The following ESRRG variants were observed in gnomAD, a reference collection of about 807,000 sequenced individuals.
The protein encoded by ESRRG is estrogen-related receptor gamma.
A neutral mutation model predicts 44.0 loss-of-function variants in ESRRG; 13 were observed. That is an observed-to-expected ratio of 0.30 (90% CI 0.19 to 0.47). The LOEUF (loss-of-function observed/expected upper bound fraction) is 0.47, where lower values mean the gene tolerates loss of function less well. ESRRG is among the 20% of genes least tolerant of loss of function. ESRRG has a pLI of 1.00. For synonymous variants in ESRRG, 215 were observed against 214.6 expected (o/e 1.00, Z -0.02); for missense variants, 395 against 580.6 (o/e 0.68, Z 3.29).
At chr1:217,116,513 G>A (rs747049491) in intron 1 of ESRRG, among the ~76,000 whole-genome samples, 1 of 152,064 alleles carries the variant, frequency 6.6e-6, no homozygotes, top group Non-Finnish European at 1.5e-5. Flanking sequence ...AATCTTATAG[G>A]GAAAGCAGTT....
At chr1:217,087,100 G>A (rs1479425392) in intron 1 of ESRRG, among the ~76,000 whole-genome samples, 1 of 152,156 alleles carries the variant, frequency 6.6e-6, no homozygotes, top group Non-Finnish European at 1.5e-5. Context: ...TAGCATGTCT[G>A]TGCAGAAGAA....
At chr1:216,548,442 G>A (rs1013308857) in intron 5 of ESRRG, among the ~76,000 whole-genome samples, 60 of 151,996 alleles carry the variant, frequency 3.9e-4, no homozygotes, top group African/African-American at 1.3e-3. Flanking sequence ...GATGAATGAT[G>A]TCCTTCAGTT....
chr1:217,038,032 C>G (rs540414098), intron 1 of ESRRG, among the ~76,000 whole-genome samples: 169 of 152,268 alleles, frequency 1.1e-3, no homozygotes, highest in Non-Finnish European at 1.9e-4. Flanking sequence ...GGTACAGCCT[C>G]CCTCCAGGCT....
chr1:216,710,812 C>T (rs1002977838), intron 1 of ESRRG, among the ~76,000 whole-genome samples: 4 of 151,856 alleles, frequency 2.6e-5, no homozygotes, highest in African/African-American at 9.7e-5. Context: ...TAATAGCAAA[C>T]ATCAAAAGGA....
rs2080145269 is a variant in ESRRG at position 217,020,629 on chromosome 1, G to T, written c.-106+68878C>A. Reference sequence around the variant, plus strand: ...AGAGGGCCTAGAACACTTGTTCAAGGGGGGCAAGGACAAGAAGAACAAGAA... The same window carrying T: ...AGAGGGCCTAGAACACTTGTTCAAGTGGGGCAAGGACAAGAAGAACAAGAA... On this transcript the variant is annotated intron_variant, in intron 1 of 7. Transcript: ENST00000359162. 2.0e-5 allele frequency among the ~76,000 whole-genome samples: 3 copies of T among 152,108 alleles called. No individual in the cohort carries two copies. In the South Asian group the frequency reaches 6.2e-4, roughly 32 times the overall value.
At chr1:217,078,050 C>G (rs764208164) in intron 1 of ESRRG, 2 of 152,196 alleles carry the variant, frequency 1.3e-5, no homozygotes, top group Non-Finnish European at 2.9e-5. Context: ...TCGGAAAAAT[C>G]CCTCCTGCAC....
rs190921444 is a variant in ESRRG at position 216,872,775 on chromosome 1, A to T, written c.-14+66807T>A. Among the ~76,000 whole-genome samples the T allele has an allele frequency of 4.4e-4, 67 of 152,300 alleles. 2 individuals carry two copies. In the East Asian group the frequency reaches 0.012, roughly 28 times the overall value. ...AGTTTCTCCAAAAGGCTGTTAGAAA[A>T]GTCCAACATCTGTATCTTCAAAACA... is the stretch of plus-strand genomic sequence containing the variant. On this transcript the variant is annotated intron_variant, in intron 2 of 7. Coordinates refer to the ESRRG transcript ENST00000359162.
intron 1 of ESRRG, among the ~76,000 whole-genome samples, chr1:216,967,350 A>T (rs2070660016): frequency 6.6e-6 from 1 of 152,168 alleles, no homozygotes; most frequent in African/African-American, 2.4e-5. Flanking sequence ...CATACAAAAT[A>T]GTTTCACTGC....
chr1:216,875,954 T>C (rs904454568), intron 2 of ESRRG, among the ~76,000 whole-genome samples: 1 of 152,178 alleles, frequency 6.6e-6, no homozygotes, highest in Non-Finnish European at 1.5e-5. Flanking sequence ...TATCATCATC[T>C]AGAATGGATA....
At chr1:217,127,269 A>G (rs909654400) in intron 1 of ESRRG, among the ~76,000 whole-genome samples, 2 of 152,154 alleles carry the variant, frequency 1.3e-5, no homozygotes, top group African/African-American at 2.4e-5. Flanking sequence ...CCTTTTGCTT[A>G]TATGTTTTGG....
At chr1:216,563,753 G>A (rs1378819801) in intron 5 of ESRRG, among the ~76,000 whole-genome samples, 3 of 152,134 alleles carry the variant, frequency 2.0e-5, no homozygotes, top group Non-Finnish European at 2.9e-5. Context: ...ATAAATATCT[G>A]ATTGTAAGCC....
chr1:216,674,974 C>T (rs1223982063), intron 2 of ESRRG, among the ~76,000 whole-genome samples: 1 of 151,250 alleles, frequency 6.6e-6, no homozygotes, highest in African/African-American at 2.4e-5. Flanking sequence ...TAACAGACAA[C>T]AAAAAAGCAA....
At chr1:216,597,336 A>G (rs2058582388) in intron 3 of ESRRG, among the ~76,000 whole-genome samples, 1 of 152,120 alleles carries the variant, frequency 6.6e-6, no homozygotes, top group Admixed American at 6.6e-5. Context: ...CCCTAGAAGG[A>G]GTATAAGAAA....
intron 2 of ESRRG, among the ~76,000 whole-genome samples, chr1:216,809,024 G>A (rs2094885782): frequency 6.6e-6 from 1 of 152,116 alleles, no homozygotes. Flanking sequence ...CAGGCACTGT[G>A]CTAGCTTACA....
Position 216,810,252 on chromosome 1 carries a change from C to T in ESRRG, c.-14+129330G>A, listed in dbSNP as rs149260487. Among the ~76,000 whole-genome samples, 34 of 152,240 alleles carry T rather than the reference C, an allele frequency of 2.2e-4. 1 individual carries two copies. The East Asian group carries it at 4.5e-3, about 20-fold the overall frequency. On this transcript the variant is annotated intron_variant, in intron 2 of 7. Transcript: ENST00000359162. The stretch of plus-strand genomic sequence containing the variant: ...CATGCCTTTGCGCAAATGGCAGAAA[C>T]GCTTGGCCCTTTTTTCTATGCCATC...
At chr1:216,769,575 C>T (rs548661436) in intron 2 of ESRRG, among the ~76,000 whole-genome samples, 23 of 151,942 alleles carry the variant, frequency 1.5e-4, no homozygotes, top group South Asian at 4.2e-4. Context: ...TACATGAAGC[C>T]GTCACATGTA....
chr1:217,010,790 A>T (rs1321059930), intron 1 of ESRRG, among the ~76,000 whole-genome samples: 1 of 152,210 alleles, frequency 6.6e-6, no homozygotes, highest in Non-Finnish European at 1.5e-5. Flanking sequence ...AATGACCTTG[A>T]ATGGAAAATT....
chr1:216,905,890 A>G (rs1184345610), intron 2 of ESRRG, among the ~76,000 whole-genome samples: 1 of 152,108 alleles, frequency 6.6e-6, no homozygotes, highest in Non-Finnish European at 1.5e-5. Flanking sequence ...ACCTGGGACT[A>G]CAGGCACATG....
intron 1 of ESRRG, among the ~76,000 whole-genome samples, chr1:216,963,434 T>A (rs1202572936): frequency 6.6e-6 from 1 of 152,112 alleles, no homozygotes; most frequent in African/African-American, 2.4e-5. Flanking sequence ...GTTAATACAA[T>A]TCATTAGATA....
Sources: gnomAD v4.1 joint callset for allele counts (sites outside exome capture counted in the v4.1 genomes callset) on GRCh38, gnomAD v4.1.1 for gene constraint, MANE v1.5 for transcripts, NCBI Gene and HGNC (gene_info 2026-07-23, HGNC 2026-07-21) for gene names.